C10orf143: variants seen among roughly 807,000 people sequenced by gnomAD.
C10orf143 encodes the protein uncharacterized protein C10orf143.
At chr10:130,053,848 G>A (rs1860766722) in intron 3 of C10orf143, among the ~76,000 whole-genome samples, 1 of 152,238 alleles carries the variant, frequency 6.6e-6, no homozygotes, top group African/African-American at 2.4e-5. Context: ...AGGAGAAACT[G>A]TGGGTCCCTG....
chr10:130,035,867 A>G (rs1009415724), exon 4 of C10orf143: 10 of 152,194 alleles, frequency 6.6e-5, no homozygotes, highest in Admixed American at 1.3e-4. Context: ...CTTTCTCTCC[A>G]TTCTGGAGGC....
chr10:130,101,983 G>A (rs1296380216), intron 1 of C10orf143, among the ~76,000 whole-genome samples: 2 of 150,060 alleles, frequency 1.3e-5, no homozygotes, highest in African/African-American at 4.9e-5. Context: ...AAACAAAATT[G>A]AGGCCAGGCA....
At chr10:130,077,914 T>C (rs1197667013) in intron 3 of C10orf143, among the ~76,000 whole-genome samples, 3 of 152,316 alleles carry the variant, frequency 2.0e-5, no homozygotes, top group African/African-American at 2.4e-5. Flanking sequence ...TGGGTGTAAA[T>C]ATTAAAACGC....
chr10:130,085,899 TAAAC>T (rs1415509544), intron 1 of C10orf143, among the ~76,000 whole-genome samples: 4 of 152,146 alleles, frequency 2.6e-5, no homozygotes, highest in Non-Finnish European at 5.9e-5. Flanking sequence ...CAACATAAAA[TAAAC>T]AAAACCCCTT....
chr10:130,106,181 T>G, intron 1 of C10orf143: 1 of 894,790 alleles, frequency 1.1e-6, no homozygotes, highest in Non-Finnish European at 1.9e-6. Context: ...AATGGTGATA[T>G]GTGCAGCTGT....
intron 1 of C10orf143, among the ~76,000 whole-genome samples, chr10:130,091,038 C>T (rs187288713): frequency 5.9e-5 from 9 of 152,308 alleles, no homozygotes; most frequent in South Asian, 2.1e-4. Context: ...AAGAGAGAAG[C>T]GGGATCTCCT....
intron 1 of C10orf143, among the ~76,000 whole-genome samples, chr10:130,091,965 G>A (rs1861389516): frequency 6.6e-6 from 1 of 152,198 alleles, no homozygotes; most frequent in Admixed American, 6.5e-5. Context: ...GTGACAGGGA[G>A]AATGGAACCA....
At chr10:130,066,550 G>A (rs1055174759) in intron 3 of C10orf143, 7 of 152,166 alleles carry the variant, frequency 4.6e-5, no homozygotes, top group South Asian at 2.1e-4. Context: ...TAGACCTTTT[G>A]CCCCGGTGTG....
At chr10:130,086,223 G>C (rs1401377598) in intron 1 of C10orf143, among the ~76,000 whole-genome samples, 7 of 152,120 alleles carry the variant, frequency 4.6e-5, no homozygotes, top group Admixed American at 4.6e-4. Flanking sequence ...AGGTCCATGC[G>C]AGCTCACCTC....
intron 3 of C10orf143, among the ~76,000 whole-genome samples, chr10:130,072,774 G>T (rs1285234049): frequency 6.6e-6 from 1 of 152,142 alleles, no homozygotes; most frequent in Non-Finnish European, 1.5e-5. Flanking sequence ...TTTACAATAT[G>T]CTTGTAGTCT....
chr10:130,089,472 G>T (rs1825945221), intron 1 of C10orf143, among the ~76,000 whole-genome samples: 1 of 151,960 alleles, frequency 6.6e-6, no homozygotes, highest in Non-Finnish European at 1.5e-5. Flanking sequence ...TGAGGAAAAA[G>T]AAGTAAAAAA....
chr10:130,042,768 G>T (rs116683032), intron 3 of C10orf143, among the ~76,000 whole-genome samples: 3 of 152,260 alleles, frequency 2.0e-5, no homozygotes, highest in Admixed American at 2.0e-4. Flanking sequence ...GAGAAAGGTG[G>T]AAACTGAAAA....
rs1201041055 is a variant in C10orf143 at position 130,110,783 on chromosome 10, G to A, written c.-11C>T. 2 of 398,858 alleles carry A rather than the reference G, an allele frequency of 5.0e-6. No homozygotes were observed. The highest frequency in any genetic ancestry group is 4.4e-5 in the Admixed American group (1 of 22,720). The allele number at this position is 398,858 out of a possible 1,614,324, so 24.7% of individuals were successfully genotyped here. A position where few individuals can be genotyped will look rare whatever the true frequency, so the allele number is the denominator to read the frequency against. On this transcript the variant is annotated 5_prime_UTR_variant, in exon 1 of 4. Transcript: ENST00000637128. ...CGCTAAGCTGTCCATGCAGCCCCAG[G>A]GTCAAACCCTCCCGGCATCTCAGGC... is the stretch of plus-strand genomic sequence containing the variant.
At chr10:130,053,433 T>A (rs542960632) in intron 3 of C10orf143, among the ~76,000 whole-genome samples, 19 of 152,286 alleles carry the variant, frequency 1.2e-4, no homozygotes, top group African/African-American at 4.1e-4. Flanking sequence ...CTTCAGGATG[T>A]TTTTTAAGCC....
chr10:130,107,794 T>G, intron 1 of C10orf143: 3 of 1,246,574 alleles, frequency 2.4e-6, no homozygotes, highest in Non-Finnish European at 3.5e-6. Flanking sequence ...TAACCGATCC[T>G]CACAGGTCTC....
At chr10:130,036,924 C>A (rs1179233538) in intron 3 of C10orf143, among the ~76,000 whole-genome samples, 1 of 151,978 alleles carries the variant, frequency 6.6e-6, no homozygotes, top group Non-Finnish European at 1.5e-5. Context: ...AGGTGGGCTG[C>A]ATGCCTGACT....
intron 1 of C10orf143, among the ~76,000 whole-genome samples, chr10:130,100,914 T>G (rs1450171028): frequency 6.6e-6 from 1 of 151,858 alleles, no homozygotes; most frequent in Non-Finnish European, 1.5e-5. Context: ...ACAGAAAAAA[T>G]GTTGAAAGCT....
intron 3 of C10orf143, among the ~76,000 whole-genome samples, chr10:130,055,202 A>T (rs1860782083): frequency 6.6e-6 from 1 of 152,220 alleles, no homozygotes; most frequent in Non-Finnish European, 1.5e-5. Flanking sequence ...ATTGGAATTG[A>T]TTTCATGGAT....
chr10:130,110,597 A>C, intron 1 of C10orf143, 107 bp downstream of exon 1: 1 of 397,928 alleles, frequency 2.5e-6, no homozygotes, highest in East Asian at 3.6e-5. Context: ...GTCTTGGGCC[A>C]GGCCTCCTCA....
Sources: gnomAD v4.1 joint callset for allele counts (sites outside exome capture counted in the v4.1 genomes callset) on GRCh38, gnomAD v4.1.1 for gene constraint, MANE v1.5 for transcripts, NCBI Gene and HGNC (gene_info 2026-07-23, HGNC 2026-07-21) for gene names.